REDIC1: variants seen among roughly 807,000 people sequenced by gnomAD.
The protein encoded by REDIC1 is regulator of DNA class I crossover intermediates 1, also known as HEI10 Interacting Protein 1.
At chr12:39,724,526 C>T in the REDIC1 span, among the ~76,000 whole-genome samples, 4 of 152,268 alleles carry the variant, frequency 2.6e-5, no homozygotes, top group Admixed American at 2.0e-4. Context: ...TTCTTGAAAT[C>T]ATACCCCAAA....
At chr12:39,744,615 T>C in the REDIC1 span, among the ~76,000 whole-genome samples, 134,317 of 152,128 alleles carry the variant, frequency 0.88, 60,721 homozygotes, top group East Asian at 1. Context: ...GAAAGTGGAA[T>C]TGGATTAGTA....
the REDIC1 span, among the ~76,000 whole-genome samples, chr12:39,637,728 A>C: frequency 1.3e-5 from 2 of 152,094 alleles, no homozygotes; most frequent in East Asian, 1.9e-4. Context: ...TTTAGCAATG[A>C]CTACTAGGGA....
At chr12:39,874,571 C>T in the REDIC1 span, among the ~76,000 whole-genome samples, 4 of 143,136 alleles carry the variant, frequency 2.8e-5, no homozygotes, top group African/African-American at 7.8e-5. Flanking sequence ...GCCAAGATCA[C>T]ACCATTGCAC....
chr12:39,759,063 G>T, the REDIC1 span: 1 of 152,394 alleles, frequency 6.6e-6, no homozygotes, highest in African/African-American at 2.4e-5. Flanking sequence ...AAAATGGTTT[G>T]CTTGCAGCTA....
chr12:39,726,212 G>A, the REDIC1 span, among the ~76,000 whole-genome samples: 1 of 151,718 alleles, frequency 6.6e-6, no homozygotes, highest in Non-Finnish European at 1.5e-5. Context: ...TGCAGAATAT[G>A]CAGGTTTGTT....
the REDIC1 span, among the ~76,000 whole-genome samples, chr12:39,896,420 A>ATATGTATACATATATGTATATG: frequency 1.3e-4 from 16 of 120,348 alleles, 1 homozygote; most frequent in African/African-American, 6.0e-4. Context: ...ATGTATGTAT[A>ATATGTATACATATATGTATATG]TGTGTATATA....
chr12:39,694,118 G>A, the REDIC1 span, among the ~76,000 whole-genome samples: 1 of 151,998 alleles, frequency 6.6e-6, no homozygotes, highest in African/African-American at 2.4e-5. Context: ...TATATCTTTT[G>A]CCCCCTTGGG....
the REDIC1 span, among the ~76,000 whole-genome samples, chr12:39,637,281 C>G: frequency 6.6e-6 from 1 of 151,880 alleles, no homozygotes; most frequent in African/African-American, 2.4e-5. Flanking sequence ...GAATCAATAC[C>G]TATTATAATG....
the REDIC1 span, among the ~76,000 whole-genome samples, chr12:39,799,254 C>CTTTTTT: frequency 1.8e-5 from 2 of 113,290 alleles, no homozygotes; most frequent in African/African-American, 3.5e-5. Context: ...TATGCTTAGC[C>CTTTTTT]TTTTTTTTTT....
the REDIC1 span, chr12:39,682,804 G>A: frequency 6.2e-7 from 1 of 1,612,604 alleles, no homozygotes; most frequent in Non-Finnish European, 8.5e-7. Context: ...CCTTCTATCA[G>A]AGAATTGTGA....
chr12:39,878,161 A>G, the REDIC1 span, among the ~76,000 whole-genome samples: 6 of 152,196 alleles, frequency 3.9e-5, no homozygotes, highest in Non-Finnish European at 5.9e-5. Flanking sequence ...TTTTCTTCAT[A>G]AATTACCAAC....
At chr12:39,754,921 A>G in the REDIC1 span, 1 of 152,092 alleles carries the variant, frequency 6.6e-6, no homozygotes, top group East Asian at 1.9e-4. Flanking sequence ...GTAGGACTGC[A>G]TTAATATATA....
At chr12:39,865,049 A>T in the REDIC1 span, among the ~76,000 whole-genome samples, 3 of 152,234 alleles carry the variant, frequency 2.0e-5, no homozygotes, top group African/African-American at 4.8e-5. Context: ...CCCAATGTAT[A>T]AACAAATTAT....
At chr12:39,715,590 T>C in the REDIC1 span, among the ~76,000 whole-genome samples, 4 of 151,938 alleles carry the variant, frequency 2.6e-5, no homozygotes, top group African/African-American at 9.7e-5. Context: ...AAAATCTGTA[T>C]GGAACCGAAA....
At chr12:39,812,920 C>T in the REDIC1 span, among the ~76,000 whole-genome samples, 1 of 146,540 alleles carries the variant, frequency 6.8e-6, no homozygotes, top group South Asian at 2.2e-4. Flanking sequence ...ACCTCTGCCT[C>T]CTGGGTTCAA....
At chr12:39,897,045 C>T in the REDIC1 span, among the ~76,000 whole-genome samples, 2 of 152,204 alleles carry the variant, frequency 1.3e-5, no homozygotes, top group South Asian at 2.1e-4. Context: ...ACCCTTAGTT[C>T]AATGCTTATT....
At chr12:39,712,997 G>T in the REDIC1 span, among the ~76,000 whole-genome samples, 1 of 139,324 alleles carries the variant, frequency 7.2e-6, no homozygotes, top group African/African-American at 2.7e-5. Context: ...GTATATACGT[G>T]TATATGTATA....
the REDIC1 span, among the ~76,000 whole-genome samples, chr12:39,784,421 C>G: frequency 1.1e-4 from 16 of 152,270 alleles, no homozygotes; most frequent in East Asian, 3.1e-3. Context: ...AATAATGCCA[C>G]ACATCTACAA....
At chr12:39,665,465 G>T in the REDIC1 span, among the ~76,000 whole-genome samples, 6 of 150,164 alleles carry the variant, frequency 4.0e-5, no homozygotes, top group African/African-American at 7.3e-5. Context: ...ATGCTGTTTT[G>T]TTTACTGTAG....
Sources: gnomAD v4.1 joint callset for allele counts (sites outside exome capture counted in the v4.1 genomes callset) on GRCh38, gnomAD v4.1.1 for gene constraint, MANE v1.5 for transcripts, NCBI Gene and HGNC (gene_info 2026-07-23, HGNC 2026-07-21) for gene names.